CC2D2A: variants seen among roughly 807,000 people sequenced by gnomAD.
The protein encoded by CC2D2A is coiled-coil and C2 domain-containing protein 2A.
Under a neutral mutation model 212.9 loss-of-function variants are expected in CC2D2A, and 155 were observed. The ratio of observed to expected loss-of-function variants is 0.73; its 90% confidence interval spans 0.64 to 0.83. CC2D2A has a LOEUF of 0.83. CC2D2A is among the 40% of genes least tolerant of loss of function. The probability of loss-of-function intolerance (pLI) is 0.00; values close to 1 mark genes in which losing one functional copy is unlikely to be tolerated. For missense variants in CC2D2A, 1,856 were observed against 1,956.2 expected (o/e 0.95, Z 0.97); for synonymous variants, 667 against 686.5 (o/e 0.97, Z 0.44).
intron 33 of CC2D2A, among the ~76,000 whole-genome samples, chr4:15,590,687 GATT>G (rs1178350008): frequency 1.3e-5 from 2 of 152,170 alleles, no homozygotes; most frequent in Non-Finnish European, 2.9e-5. Flanking sequence ...AAGTGAATGA[GATT>G]ATTAATGTTA....
At chr4:15,597,222 T>A (rs1479431496) in intron 34 of CC2D2A, among the ~76,000 whole-genome samples, 185 bp from the exon 35 acceptor site, 1 of 152,002 alleles carries the variant, frequency 6.6e-6, no homozygotes, top group Admixed American at 6.6e-5. Flanking sequence ...AGAAGAAAAA[T>A]GAAATTGGGA....
At chr4:15,496,803 C>G (rs887019679) in intron 4 of CC2D2A, among the ~76,000 whole-genome samples, 1 of 152,164 alleles carries the variant, frequency 6.6e-6, no homozygotes, top group South Asian at 2.1e-4. Context: ...AGAATGCAAT[C>G]CCATTCACAA....
At chr4:15,516,497 C>A (rs1290535578) in intron 10 of CC2D2A, 128 bp from the exon 11 acceptor site, 1 of 823,684 alleles carries the variant, frequency 1.2e-6, no homozygotes, top group Non-Finnish European at 1.8e-6. Flanking sequence ...TTTTACAGTT[C>A]TGTTGGGGGA....
chr4:15,518,489 G>T (rs1202700629), intron 11 of CC2D2A, among the ~76,000 whole-genome samples: 5 of 152,118 alleles, frequency 3.3e-5, no homozygotes, highest in African/African-American at 1.2e-4. Context: ...TACTATTCTG[G>T]GGTCTGGAGG....
chr4:15,499,909 C>CT (rs1186983005), intron 4 of CC2D2A, among the ~76,000 whole-genome samples: 2 of 145,360 alleles, frequency 1.4e-5, no homozygotes, highest in Non-Finnish European at 3.0e-5. Context: ...CCCTGCGTGG[C>CT]TGGGGACCTT....
chr4:15,546,526 C>T (rs1240048660), intron 17 of CC2D2A, among the ~76,000 whole-genome samples: 1 of 152,180 alleles, frequency 6.6e-6, no homozygotes, highest in African/African-American at 2.4e-5. Flanking sequence ...AGGGCCTTTC[C>T]TAATTCTCTG....
intron 5 of CC2D2A, 79 bp from the exon 6 acceptor site, chr4:15,502,743 G>A (rs2108998663): frequency 7.9e-7 from 1 of 1,258,578 alleles, no homozygotes; most frequent in Admixed American, 2.1e-5. Context: ...CCTTAAAGAA[G>A]GATAGCATGT....
At chr4:15,540,344 A>G (rs1718362009) in intron 16 of CC2D2A, among the ~76,000 whole-genome samples, 1 of 152,064 alleles carries the variant, frequency 6.6e-6, no homozygotes, top group South Asian at 2.1e-4. Context: ...AATATTTATT[A>G]ATACTCTGCA....
chr4:15,503,021 T>C, intron 6 of CC2D2A, 98 bp downstream of exon 6: 1 of 802,758 alleles, frequency 1.2e-6, no homozygotes, highest in East Asian at 3.0e-5. Context: ...ACAGAGGAGG[T>C]ATTAAATGCT....
chr4:15,541,669 T>C (rs1718458114), intron 17 of CC2D2A, among the ~76,000 whole-genome samples: 1 of 152,092 alleles, frequency 6.6e-6, no homozygotes, highest in Non-Finnish European at 1.5e-5. Context: ...TAGTGTAATA[T>C]AACAGAGAAA....
Position 15,510,316 on chromosome 4 carries a change from C to T in CC2D2A, c.540+76C>T, listed in dbSNP as rs1716498259. On this transcript the variant is annotated intron_variant, in intron 7 of 36. Coordinates refer to ENST00000424120, the MANE Select transcript of CC2D2A (RefSeq NM_001378615.1). ...ATATCCAATGACACATGACTACAGG[C>T]CGGGTGTGGTGGCTCACGCCTGCAA... The T allele has an allele frequency of 3.0e-6, 4 of 1,319,066 alleles. No individual in the cohort carries two copies. In the Admixed American group the frequency reaches 7.8e-5, roughly 26 times the overall value. The allele number at this position is 1,319,066 out of a possible 1,614,324, so 81.7% of individuals were successfully genotyped here. A position where few individuals can be genotyped will look rare whatever the true frequency, so the allele number is the denominator to read the frequency against.
At chr4:15,576,061 C>G (rs1016746580) in intron 29 of CC2D2A, among the ~76,000 whole-genome samples, 7 of 152,218 alleles carry the variant, frequency 4.6e-5, no homozygotes, top group Admixed American at 4.6e-4. Flanking sequence ...AGCCTTCCTT[C>G]CCTAAAGCTA....
intron 36 of CC2D2A, 90 bp downstream of exon 36, chr4:15,599,796 C>A: frequency 1.0e-6 from 1 of 964,220 alleles, no homozygotes; most frequent in East Asian, 2.6e-5. Context: ...ATCAAAAGAC[C>A]CACGTTGCTC....
chr4:15,542,535 A>T (rs946594534), intron 17 of CC2D2A, among the ~76,000 whole-genome samples: 1 of 152,230 alleles, frequency 6.6e-6, no homozygotes, highest in African/African-American at 2.4e-5. Context: ...AACTCTTCTC[A>T]ATACAGTACT....
intron 11 of CC2D2A, among the ~76,000 whole-genome samples, chr4:15,518,011 T>A (rs895177480): frequency 6.6e-6 from 1 of 152,074 alleles, no homozygotes; most frequent in Non-Finnish European, 1.5e-5. Context: ...CCCACCCGGT[T>A]CCTCCCATGA....
rs749783221 is a variant in CC2D2A, at chr4:15,536,945, G to A, written c.1633G>A (p.Glu545Lys). 6.2e-7 allele frequency: 1 copy of A among 1,613,828 alleles called. No individual in the cohort carries two copies. The highest frequency in any genetic ancestry group is 1.7e-4 in the Middle Eastern group (1 of 6,060). Residue 545 changes from glutamate to lysine, a missense_variant, in exon 15 of 37, where the codon GAA becomes AAA. Glu to Lys is a moderately conservative substitution (Grantham distance 56). Around this residue, in one of 5 missense-constraint regions of CC2D2A, gnomAD observed 1,512 missense variants for 1,579.3 expected, o/e 0.96. Coordinates refer to ENST00000424120, the MANE Select transcript of CC2D2A (RefSeq NM_001378615.1). ...RKEKADQKAD[E>K]EAYEAEIQAE... ...GGAAAAAGCTGACCAGAAAGCAGAT[G>A]AAGAAGCATATGAAGCAGAAATTCA...
rs141811671 is a variant in CC2D2A at position 15,516,864 on chromosome 4, A to T, written c.1149+108A>T. 681 of 1,134,106 alleles carry T rather than the reference A, an allele frequency of 6.0e-4. 12 individuals carry two copies. The East Asian group carries it at 0.016, about 26-fold the overall frequency. 70.3% of individuals were successfully genotyped at this position (1,134,106 alleles called of 1,614,324 possible). A position where few individuals can be genotyped will look rare whatever the true frequency, so the allele number is the denominator to read the frequency against. The stretch of plus-strand genomic sequence containing the variant: ...AACATTCTACTTTAATTTTTTAAAT[A>T]ATTCACTATCTTACACATAAAGAAC... On this transcript the variant is annotated intron_variant, in intron 11 of 36. Coordinates refer to ENST00000424120, the MANE Select transcript of CC2D2A (RefSeq NM_001378615.1).
intron 23 of CC2D2A, among the ~76,000 whole-genome samples, chr4:15,563,050 T>C (rs1319680712): frequency 6.6e-6 from 1 of 152,120 alleles, no homozygotes; most frequent in Non-Finnish European, 1.5e-5. Flanking sequence ...ATGTGAAGGA[T>C]GGGAGACCAT....
chr4:15,494,353 A>T (rs1715486608), intron 4 of CC2D2A, among the ~76,000 whole-genome samples: 1 of 152,226 alleles, frequency 6.6e-6, no homozygotes, highest in Non-Finnish European at 1.5e-5. Context: ...TTCAGCTAAC[A>T]TAAAATGAAA....
Sources: gnomAD v4.1 joint callset for allele counts (sites outside exome capture counted in the v4.1 genomes callset) on GRCh38, gnomAD v4.1.1 for gene constraint, gnomAD v4.1.1 regional missense constraint, MANE v1.5 for transcripts, NCBI Gene and HGNC (gene_info 2026-07-23, HGNC 2026-07-21) for gene names.